Variants in SPIDR observed in about 807,000 individuals in gnomAD.
The protein encoded by SPIDR is DNA repair-scaffolding protein.
SPIDR carries 93 observed loss-of-function variants against 104.6 expected under a neutral mutation model. That is an observed-to-expected ratio of 0.89 (90% CI 0.75 to 1.06). The LOEUF (loss-of-function observed/expected upper bound fraction) is 1.06. SPIDR is among the 50% of genes least tolerant of loss of function. SPIDR has a pLI of 0.00. For missense variants in SPIDR, 1,154 were observed against 1,111.2 expected, an observed-to-expected ratio of 1.04 and a Z score of -0.55; for synonymous variants, 431 against 416.9, an observed-to-expected ratio of 1.03 and a Z score of -0.41.
At chr8:47,393,685 TTCC>T (rs781837044) in intron 5 of SPIDR, among the ~76,000 whole-genome samples, 3 of 45,424 alleles carry the variant, frequency 6.6e-5, no homozygotes, top group East Asian at 8.5e-4. Flanking sequence ...TTCCTTTCCT[TTCC>T]TTTCCTTTCC....
intron 10 of SPIDR, among the ~76,000 whole-genome samples, chr8:47,646,077 A>T (rs1270611047): frequency 3.9e-5 from 6 of 152,240 alleles, no homozygotes; most frequent in Non-Finnish European, 5.9e-5. Context: ...TCTTTCTAGT[A>T]CATGAGGTAC....
chr8:47,593,908 C>T (rs999226255), intron 8 of SPIDR, among the ~76,000 whole-genome samples: 24 of 152,200 alleles, frequency 1.6e-4, no homozygotes, highest in Admixed American at 5.2e-4. Flanking sequence ...CACTGAGCAG[C>T]GGTGAAAATC....
At chr8:47,489,108 G>A (rs57398386) in intron 8 of SPIDR, among the ~76,000 whole-genome samples, 3,323 of 152,178 alleles carry the variant, frequency 0.022, 78 homozygotes, top group African/African-American at 0.058. Flanking sequence ...AAACCCCATC[G>A]TCTCACCCCA....
At chr8:47,557,307 T>C (rs1175344598) in intron 8 of SPIDR, among the ~76,000 whole-genome samples, 2 of 152,118 alleles carry the variant, frequency 1.3e-5, no homozygotes, top group Admixed American at 6.5e-5. Flanking sequence ...CTGAATAAAT[T>C]AGAAAAATAT....
At chr8:47,335,919 T>C (rs1554608742) in intron 5 of SPIDR, among the ~76,000 whole-genome samples, 1 of 151,772 alleles carries the variant, frequency 6.6e-6, no homozygotes, top group African/African-American at 2.4e-5. Flanking sequence ...CCTAAGTTTT[T>C]GCTTTTTTTT....
chr8:47,443,749 T>G lies in SPIDR; in HGVS notation c.1097+3207T>G, dbSNP rs2069961170. On this transcript the variant is annotated intron_variant, in intron 8 of 19. Transcript: ENST00000297423. ...CCTTCTGTGTTCATTTAAACTGTTTTTTTTTTTTAACATGGGCACAGTTTT... is the reference window on the plus strand; with the variant it reads ...CCTTCTGTGTTCATTTAAACTGTTTGTTTTTTTTAACATGGGCACAGTTTT... Among the ~76,000 whole-genome samples, 4 of 151,966 alleles carry G rather than the reference T, an allele frequency of 2.6e-5. No individual in the cohort carries two copies. The South Asian group carries it at 8.3e-4, about 32-fold the overall frequency.
At chr8:47,631,368 A>G (rs945062328) in intron 10 of SPIDR, among the ~76,000 whole-genome samples, 4 of 152,234 alleles carry the variant, frequency 2.6e-5, no homozygotes, top group African/African-American at 9.6e-5. Flanking sequence ...CTTAGGGTCA[A>G]TTTATAGTTC....
At chr8:47,730,953 A>G (rs1353908515) in intron 19 of SPIDR, among the ~76,000 whole-genome samples, 1 of 152,152 alleles carries the variant, frequency 6.6e-6, no homozygotes, top group Non-Finnish European at 1.5e-5. Flanking sequence ...ATTACCTGCA[A>G]GCTCTAAAGA....
intron 8 of SPIDR, among the ~76,000 whole-genome samples, chr8:47,516,887 C>T (rs1238048682): frequency 6.6e-6 from 1 of 152,140 alleles, no homozygotes; most frequent in African/African-American, 2.4e-5. Context: ...ATATTCCTAC[C>T]AGCAATGCAT....
intron 2 of SPIDR, among the ~76,000 whole-genome samples, chr8:47,282,892 G>A (rs373447460): frequency 6.6e-6 from 1 of 150,726 alleles, no homozygotes; most frequent in Non-Finnish European, 1.5e-5. Flanking sequence ...GTCTGTCTCT[G>A]TCGCTCGGGG....
At chr8:47,285,796 A>G (rs375680326) in intron 3 of SPIDR, among the ~76,000 whole-genome samples, 26 of 152,338 alleles carry the variant, frequency 1.7e-4, no homozygotes, top group East Asian at 1.5e-3. Context: ...TCTGAGGTAC[A>G]GAAGGTTAGG....
intron 11 of SPIDR, among the ~76,000 whole-genome samples, chr8:47,697,295 AG>A (rs2079471908): frequency 6.6e-6 from 1 of 151,728 alleles, no homozygotes; most frequent in African/African-American, 2.4e-5. Context: ...AAAAAAAAAA[AG>A]AAAGAAAAAA....
At chr8:47,700,326 G>A (rs567578210) in intron 11 of SPIDR, 77 bp from the exon 12 acceptor site, 1 of 1,434,502 alleles carries the variant, frequency 7.0e-7, no homozygotes, top group African/African-American at 1.4e-5. Context: ...AGTCTGTTAA[G>A]CATTCTACCA....
intron 5 of SPIDR, among the ~76,000 whole-genome samples, chr8:47,321,544 G>T (rs969358444): frequency 1.3e-5 from 2 of 152,050 alleles, no homozygotes; most frequent in Non-Finnish European, 2.9e-5. Context: ...GATTCAGTGC[G>T]ATCCCCATCA....
chr8:47,585,543 G>A (rs1218472408), intron 8 of SPIDR, among the ~76,000 whole-genome samples: 2 of 151,794 alleles, frequency 1.3e-5, no homozygotes, highest in Non-Finnish European at 2.9e-5. Flanking sequence ...CTAAACCCCT[G>A]GCAACCACTG....
intron 5 of SPIDR, among the ~76,000 whole-genome samples, chr8:47,310,540 G>C (rs782171373): frequency 6.6e-6 from 1 of 152,292 alleles, no homozygotes; most frequent in African/African-American, 2.4e-5. Flanking sequence ...GGAAGAAACT[G>C]AAGGATGTTG....
chr8:47,407,743 T>C (rs1216215326), intron 6 of SPIDR, 118 bp from the exon 7 acceptor site: 14 of 499,330 alleles, frequency 2.8e-5, no homozygotes, highest in Non-Finnish European at 4.9e-5. Flanking sequence ...AAATATACGT[T>C]AAAATTTTGC....
chr8:47,431,583 A>G (rs1220990851), intron 7 of SPIDR, among the ~76,000 whole-genome samples: 1 of 152,120 alleles, frequency 6.6e-6, no homozygotes, highest in Non-Finnish European at 1.5e-5. Context: ...CTGGAGGCGG[A>G]GGTGCTCAGC....
rs549719393 is a variant in SPIDR at position 47,505,148 on chromosome 8, C to A, written c.1097+64606C>A. Among the ~76,000 whole-genome samples the A allele has an allele frequency of 4.0e-4, 61 of 152,300 alleles. No homozygotes were observed. In the South Asian group the frequency reaches 0.011, roughly 27 times the overall value. Reference sequence around the variant, plus strand: ...TCTGAGTGCTGGGAGAACCACTACTCCCTTCAAGGCTGTCAGACAGGGACA... The same window carrying A: ...TCTGAGTGCTGGGAGAACCACTACTACCTTCAAGGCTGTCAGACAGGGACA... On this transcript the variant is annotated intron_variant, in intron 8 of 19. Transcript: ENST00000297423.
Sources: allele counts gnomAD v4.1 joint callset (sites outside exome capture counted in the v4.1 genomes callset), GRCh38; gene constraint gnomAD v4.1.1; transcripts MANE v1.5; gene names NCBI Gene and HGNC (gene_info 2026-07-23, HGNC 2026-07-21).